Variants in CHRM3 observed in about 807,000 individuals in gnomAD.
The protein encoded by CHRM3 is cholinergic receptor muscarinic 3.
CHRM3 carries 11 observed loss-of-function variants against 41.8 expected under a neutral mutation model. That is an observed-to-expected ratio of 0.26 (90% CI 0.17 to 0.44). The LOEUF is 0.44. Among genes scored for constraint, CHRM3 ranks in the 20% least tolerant of loss-of-function variants. The pLI is 1.00. For synonymous variants in CHRM3, 297 were observed against 301.4 expected, an observed-to-expected ratio of 0.99 and a Z score of 0.15; for missense variants, 571 against 745.4, an observed-to-expected ratio of 0.77 and a Z score of 2.72.
At chr1:239,482,729 G>T (rs1352084048) in intron 1 of CHRM3, among the ~76,000 whole-genome samples, 1 of 152,074 alleles carries the variant, frequency 6.6e-6, no homozygotes, top group African/African-American at 2.4e-5. Flanking sequence ...AATTTCATAT[G>T]GTTTTGTATC....
In CHRM3 at chr1:239,748,313, G is replaced by A. The variant is rs1348764462; in HGVS notation, c.-147+70025G>A. On this transcript the variant is annotated intron_variant, in intron 5 of 6. Transcript: ENST00000676153. This position sits in a 1 kb window ranked among gnomAD's most constrained non-coding sequence, Gnocchi z 4.3. The stretch of plus-strand genomic sequence containing the variant: ...TCATTTTTTGTTTCCTTTTGGTTTT[G>A]CAAACATCACTTCTCTCTTACGATG... Among the ~76,000 whole-genome samples the A allele has an allele frequency of 6.6e-6, 1 of 152,010 alleles. No homozygotes were observed. Among genetic ancestry groups the A allele is most frequent in the Non-Finnish European group, 1.5e-5 (1 of 67,998 alleles).
At chr1:239,731,708 T>C (rs1223674470) in intron 5 of CHRM3, among the ~76,000 whole-genome samples, 3 of 151,952 alleles carry the variant, frequency 2.0e-5, no homozygotes, top group African/African-American at 4.8e-5. Context: ...AGTTAGATAA[T>C]TTAAAACATT....
intron 5 of CHRM3, among the ~76,000 whole-genome samples, chr1:239,723,142 T>C (rs1663129092): frequency 6.6e-6 from 1 of 151,910 alleles, no homozygotes; most frequent in African/African-American, 2.4e-5. Flanking sequence ...CTGGCTTTCA[T>C]TAATAAGAGG....
chr1:239,788,593 C>G (rs1345422062), intron 5 of CHRM3, among the ~76,000 whole-genome samples: 1 of 151,962 alleles, frequency 6.6e-6, no homozygotes, highest in Non-Finnish European at 1.5e-5. Flanking sequence ...TGGTGAAACC[C>G]CATCTCTACT....
intron 6 of CHRM3, among the ~76,000 whole-genome samples, chr1:239,906,222 C>T (rs1218339016): frequency 6.6e-6 from 1 of 152,216 alleles, no homozygotes; most frequent in Non-Finnish European, 1.5e-5. Context: ...TCTGAGAAAA[C>T]TCTGGCATTC....
chr1:239,748,548 TC>T lies in CHRM3; in HGVS notation c.-147+70261del. ...GTGTCTGGACAGCTGAGTCATAAAT[TC>T]TGTGCAGAAGCTGATTTCTAGGTCA... On this transcript the variant is annotated intron_variant, in intron 5 of 6. Transcript: ENST00000676153. The surrounding 1 kb of genome is among the most constrained non-coding windows in gnomAD (Gnocchi z 4.3). Among the ~76,000 whole-genome samples the T allele has an allele frequency of 6.6e-6, 1 of 152,202 alleles. No individual in the cohort carries two copies. Among genetic ancestry groups the T allele is most frequent in the East Asian group, 1.9e-4 (1 of 5,194 alleles).
chr1:239,549,993 T>G (rs939459513), intron 3 of CHRM3, among the ~76,000 whole-genome samples: 1 of 151,762 alleles, frequency 6.6e-6, no homozygotes, highest in African/African-American at 2.4e-5. Flanking sequence ...AGGTGAGTCC[T>G]TTAAGAAGAG....
At chr1:239,856,775 G>T (rs577752808) in intron 6 of CHRM3, among the ~76,000 whole-genome samples, 4 of 152,114 alleles carry the variant, frequency 2.6e-5, no homozygotes, top group Admixed American at 1.3e-4. Flanking sequence ...CATGAAGGAG[G>T]TAAACAGAGA....
chr1:239,888,091 C>CATAT (rs1678223629), intron 6 of CHRM3, among the ~76,000 whole-genome samples: 1 of 152,128 alleles, frequency 6.6e-6, no homozygotes, highest in Non-Finnish European at 1.5e-5. Context: ...CACCAACAGT[C>CATAT]ATATATCAGT....
At chr1:239,768,503 G>GAATTAATTGCAGGGC (rs1553262969) in intron 5 of CHRM3, among the ~76,000 whole-genome samples, 1 of 151,952 alleles carries the variant, frequency 6.6e-6, no homozygotes, top group African/African-American at 2.4e-5. Context: ...TAAACATGGT[G>GAATTAATTGCAGGGC]AAAATTAAAT....
At chr1:239,884,742 A>C (rs934850362) in intron 6 of CHRM3, among the ~76,000 whole-genome samples, 3 of 152,194 alleles carry the variant, frequency 2.0e-5, no homozygotes, top group Non-Finnish European at 4.4e-5. Context: ...AGGCAGGTAA[A>C]CTCAGCAGTT....
At chr1:239,459,042 C>G (rs1287442250) in intron 1 of CHRM3, among the ~76,000 whole-genome samples, 1 of 152,102 alleles carries the variant, frequency 6.6e-6, no homozygotes, top group Non-Finnish European at 1.5e-5. Context: ...GGCTCATTCT[C>G]CACCATTAAC....
intron 5 of CHRM3, among the ~76,000 whole-genome samples, chr1:239,697,801 T>C (rs1489277898): frequency 1.3e-5 from 2 of 152,174 alleles, no homozygotes; most frequent in African/African-American, 4.8e-5. Flanking sequence ...ATTTGGCCAC[T>C]TTGCTGGCAG....
chr1:239,466,275 G>T (rs551901181), intron 1 of CHRM3, among the ~76,000 whole-genome samples: 2 of 152,282 alleles, frequency 1.3e-5, no homozygotes, highest in East Asian at 1.9e-4. Flanking sequence ...GATTACAGGT[G>T]TGAGCTACCA....
chr1:239,736,899 G>A (rs1224332284), intron 5 of CHRM3, among the ~76,000 whole-genome samples: 2 of 152,044 alleles, frequency 1.3e-5, no homozygotes, highest in African/African-American at 2.4e-5. Context: ...TCTACTCTTA[G>A]TTTTGCATGA....
In CHRM3 at chr1:239,909,079, G is replaced by T; in HGVS notation, c.1628G>T (p.Cys543Phe). ...ATCAACAGCACCGTGAACCCCGTGT[G>T]CTATGCTCTGTGCAACAAAACATTC... is the stretch of plus-strand genomic sequence containing the variant. ...CYINSTVNPV[C>F]YALCNKTFRT... Residue 543 changes from cysteine to phenylalanine, a missense_variant, in exon 7 of 7, where the codon TGC becomes TTC. By Grantham distance (205) the Cys-to-Phe change is radical. This residue lies in a region of CHRM3 where 43 missense variants were observed against 93.7 expected (regional missense o/e 0.46). Coordinates refer to ENST00000676153, the MANE Select transcript of CHRM3 (RefSeq NM_001375978.1). The T allele has an allele frequency of 1.2e-6, 2 of 1,614,162 alleles. No homozygotes were observed. Among genetic ancestry groups the T allele is most frequent in the Non-Finnish European group, 1.7e-6 (2 of 1,180,032 alleles).
At chr1:239,397,646 C>T (rs1222846251) in intron 1 of CHRM3, among the ~76,000 whole-genome samples, 6 of 150,090 alleles carry the variant, frequency 4.0e-5, no homozygotes, top group African/African-American at 1.5e-4. Context: ...CACTCCAGCC[C>T]GGGCAACAGA....
At chr1:239,745,525 G>A (rs756467404) in intron 5 of CHRM3, among the ~76,000 whole-genome samples, 8 of 151,840 alleles carry the variant, frequency 5.3e-5, no homozygotes, top group Non-Finnish European at 1.0e-4. Context: ...TTAAGTTCTG[G>A]GGTACATGTG....
chr1:239,900,901 G>A (rs947078038), intron 6 of CHRM3, among the ~76,000 whole-genome samples: 5 of 152,122 alleles, frequency 3.3e-5, no homozygotes, highest in Admixed American at 6.6e-5. Context: ...AACTTGCCTC[G>A]AAGCTGCCTG....
Sources: gnomAD v4.1 joint callset for allele counts (sites outside exome capture counted in the v4.1 genomes callset) on GRCh38, gnomAD v4.1.1 for gene constraint, gnomAD v4.1.1 regional missense constraint, Gnocchi (gnomAD v3.1) non-coding constraint, MANE v1.5 for transcripts, NCBI Gene and HGNC (gene_info 2026-07-23, HGNC 2026-07-21) for gene names.